Variants in ROR1 observed in about 807,000 individuals in gnomAD.
ROR1 encodes inactive tyrosine-protein kinase transmembrane receptor ROR1.
A neutral mutation model predicts 78.8 loss-of-function variants in ROR1; 19 were observed. The ratio of observed to expected loss-of-function variants is 0.24; its 90% CI spans 0.17 to 0.35. ROR1 has a LOEUF of 0.35. Among genes scored for constraint, ROR1 ranks in the 10% least tolerant of loss-of-function variants. The probability of loss-of-function intolerance (pLI) is 1.00; values close to 1 mark genes in which losing one functional copy is unlikely to be tolerated. For missense variants in ROR1, 917 were observed against 1,177.8 expected, an observed-to-expected ratio of 0.78 and a Z score of 3.24; for synonymous variants, 386 against 433.6, an observed-to-expected ratio of 0.89 and a Z score of 1.36.
chr1:63,914,223 A>G (rs1052189499), intron 1 of ROR1, among the ~76,000 whole-genome samples: 6 of 152,244 alleles, frequency 3.9e-5, no homozygotes, highest in Non-Finnish European at 8.8e-5. Flanking sequence ...AAAGAGGAAA[A>G]TGTTTTATTA....
intron 1 of ROR1, among the ~76,000 whole-genome samples, chr1:63,787,538 T>C (rs1187551937): frequency 2.7e-5 from 4 of 145,458 alleles, no homozygotes; most frequent in Non-Finnish European, 6.0e-5. Context: ...TTTTTTTTTT[T>C]CTTTTTTGAT....
intron 1 of ROR1, among the ~76,000 whole-genome samples, chr1:63,998,454 C>CAATAAAAT (rs1646356347): frequency 1.3e-5 from 2 of 151,968 alleles, no homozygotes; most frequent in Non-Finnish European, 2.9e-5. Flanking sequence ...TTATTGATAT[C>CAATAAAAT]AGTGTTATAA....
intron 1 of ROR1, among the ~76,000 whole-genome samples, chr1:63,884,530 G>A (rs1645344170): frequency 6.6e-6 from 1 of 152,210 alleles, no homozygotes; most frequent in African/African-American, 2.4e-5. Flanking sequence ...CACGCAGCTA[G>A]TTGGTGACAG....
At chr1:63,864,498 T>C (rs911675910) in intron 1 of ROR1, among the ~76,000 whole-genome samples, 4 of 152,164 alleles carry the variant, frequency 2.6e-5, no homozygotes, top group African/African-American at 9.7e-5. Context: ...TATGAGTCCA[T>C]GTGTGTTGTG....
rs546424376 is a variant in ROR1, at chr1:64,057,522, G to A, written c.482+6806G>A. Among the ~76,000 whole-genome samples the A allele has an allele frequency of 3.9e-5, 6 of 152,278 alleles. No homozygotes were observed. The East Asian group carries it at 9.7e-4, about 25-fold the overall frequency. ...GGCAGGGAGCCAGGAGGCACAGGCTGGGAACTTTTGGGCAGTTGCTCATGC... is the reference window on the plus strand; with the variant it reads ...GGCAGGGAGCCAGGAGGCACAGGCTAGGAACTTTTGGGCAGTTGCTCATGC... On this transcript the variant is annotated intron_variant, in intron 4 of 8. Coordinates refer to ENST00000371079, the MANE Select transcript of ROR1 (RefSeq NM_005012.4).
intron 1 of ROR1, among the ~76,000 whole-genome samples, chr1:63,815,488 T>C (rs1475523956): frequency 1.4e-5 from 2 of 147,710 alleles, no homozygotes; most frequent in Admixed American, 6.7e-5. Context: ...CTTTTTCTTT[T>C]TTTTTTTTTT....
At chr1:64,101,861 T>C (rs904178645) in intron 4 of ROR1, among the ~76,000 whole-genome samples, 6 of 152,194 alleles carry the variant, frequency 3.9e-5, no homozygotes, top group Non-Finnish European at 7.3e-5. Flanking sequence ...AAAAGCTTTG[T>C]GACAGAATCA....
chr1:63,879,258 C>T (rs1229604665), intron 1 of ROR1, among the ~76,000 whole-genome samples: 1 of 152,110 alleles, frequency 6.6e-6, no homozygotes, highest in African/African-American at 2.4e-5. Flanking sequence ...CTAAATTTGA[C>T]CTGAAAATTA....
chr1:63,889,411 G>A (rs1645379119), intron 1 of ROR1, among the ~76,000 whole-genome samples: 1 of 152,102 alleles, frequency 6.6e-6, no homozygotes, highest in African/African-American at 2.4e-5. Flanking sequence ...GGTTCCATAA[G>A]TTCCCAAAGT....
intron 4 of ROR1, among the ~76,000 whole-genome samples, chr1:64,070,019 C>T (rs902025950): frequency 6.6e-6 from 1 of 152,168 alleles, no homozygotes; most frequent in East Asian, 1.9e-4. Context: ...CCACTCCCAG[C>T]CCCTAGCAAC....
intron 4 of ROR1, among the ~76,000 whole-genome samples, chr1:64,100,959 C>T (rs1647511989): frequency 6.6e-6 from 1 of 152,150 alleles, no homozygotes; most frequent in Non-Finnish European, 1.5e-5. Flanking sequence ...GGCCAAGTTA[C>T]TTGGGAAAGC....
At chr1:64,114,429 T>A (rs908868201) in intron 4 of ROR1, among the ~76,000 whole-genome samples, 12 of 152,088 alleles carry the variant, frequency 7.9e-5, no homozygotes, top group African/African-American at 2.7e-4. Flanking sequence ...AGAGACTCAG[T>A]AGTTGACTAT....
At chr1:63,869,146 T>C (rs1326656484) in intron 1 of ROR1, among the ~76,000 whole-genome samples, 3 of 152,232 alleles carry the variant, frequency 2.0e-5, no homozygotes, top group African/African-American at 7.2e-5. Context: ...AGAAGGTATC[T>C]GGTTCCCAAG....
intron 2 of ROR1, among the ~76,000 whole-genome samples, chr1:64,043,305 T>C (rs1405423035): frequency 6.6e-6 from 1 of 152,260 alleles, no homozygotes; most frequent in East Asian, 1.9e-4. Context: ...TAAAATTCAC[T>C]TGAGCCTTCC....
intron 4 of ROR1, among the ~76,000 whole-genome samples, chr1:64,120,068 T>TCA: frequency 6.6e-6 from 1 of 152,348 alleles, no homozygotes; most frequent in African/African-American, 2.4e-5. Flanking sequence ...CTTTTGGTGG[T>TCA]TCTCGACTGT....
At chr1:63,910,091 C>T (rs705522) in intron 1 of ROR1, among the ~76,000 whole-genome samples, 135 of 152,216 alleles carry the variant, frequency 8.9e-4, no homozygotes, top group African/African-American at 3.1e-3. Context: ...GCAGTATTCA[C>T]GGGGCTTTCT....
chr1:64,011,860 A>G (rs1646477294), intron 2 of ROR1, among the ~76,000 whole-genome samples: 1 of 152,246 alleles, frequency 6.6e-6, no homozygotes, highest in Non-Finnish European at 1.5e-5. Context: ...AAATTAGGAT[A>G]TAAAGATAAA....
chr1:64,133,404 A>C (rs1234033121), intron 4 of ROR1, among the ~76,000 whole-genome samples: 1 of 152,048 alleles, frequency 6.6e-6, no homozygotes, highest in Non-Finnish European at 1.5e-5. Context: ...CTAGATGGGC[A>C]CTCCTTTTGC....
chr1:63,967,390 TCTTA>T (rs911580829), intron 1 of ROR1, among the ~76,000 whole-genome samples: 10 of 152,266 alleles, frequency 6.6e-5, no homozygotes, highest in African/African-American at 2.4e-4. Context: ...TACTGGCTCC[TCTTA>T]CTTTTTTAAA....
Sources: gnomAD v4.1 joint callset for allele counts (sites outside exome capture counted in the v4.1 genomes callset) on GRCh38, gnomAD v4.1.1 for gene constraint, MANE v1.5 for transcripts, NCBI Gene and HGNC (gene_info 2026-07-23, HGNC 2026-07-21) for gene names.